EYS: variants seen among roughly 807,000 people sequenced by gnomAD.
EYS encodes the protein protein eyes shut homolog.
A neutral mutation model predicts 282.1 loss-of-function variants in EYS; 250 were observed. The ratio of observed to expected loss-of-function variants is 0.89; its 90% CI spans 0.80 to 0.98. The LOEUF is 0.98. Among genes scored for constraint, EYS ranks in the 50% least tolerant of loss-of-function variants. The probability of loss-of-function intolerance (pLI) is 0.00; values close to 1 mark genes in which losing one functional copy is unlikely to be tolerated. For missense variants in EYS, 4,016 were observed against 3,709.0 expected (o/e 1.08, Z -2.15); for synonymous variants, 1,355 against 1,282.9 (o/e 1.06, Z -1.20).
intron 13 of EYS, among the ~76,000 whole-genome samples, chr6:65,024,763 T>C (rs1359663360): frequency 2.0e-5 from 3 of 152,202 alleles, no homozygotes; most frequent in Non-Finnish European, 4.4e-5. Flanking sequence ...ATCCCAAATA[T>C]TATGTTCTAG....
At chr6:65,457,065 A>T in intron 5 of EYS, among the ~76,000 whole-genome samples, 1 of 152,232 alleles carries the variant, frequency 6.6e-6, no homozygotes, top group East Asian at 1.9e-4. Context: ...CAGATGGAAC[A>T]TATGCCATGT....
chr6:65,331,482 T>G, intron 11 of EYS: 1 of 895,354 alleles, frequency 1.1e-6, no homozygotes, highest in Non-Finnish European at 1.3e-6. Context: ...TAATTTTATA[T>G]AAAATACTTG....
intron 13 of EYS, among the ~76,000 whole-genome samples, chr6:65,044,645 A>G (rs986632989): frequency 4.6e-5 from 7 of 151,820 alleles, no homozygotes; most frequent in Non-Finnish European, 5.9e-5. Context: ...ATGTTATCAC[A>G]TCTGAACTCA....
intron 36 of EYS, among the ~76,000 whole-genome samples, chr6:63,841,464 T>C (rs1361312667): frequency 6.6e-6 from 1 of 152,172 alleles, no homozygotes; most frequent in Admixed American, 6.5e-5. Flanking sequence ...ATAATAGTAA[T>C]AGCTAACTTT....
chr6:63,826,597 T>A (rs1469716018), intron 36 of EYS, among the ~76,000 whole-genome samples: 1 of 152,114 alleles, frequency 6.6e-6, no homozygotes, highest in Non-Finnish European at 1.5e-5. Context: ...TTCAGCCTCC[T>A]CAAACAAAAC....
intron 12 of EYS, among the ~76,000 whole-genome samples, chr6:65,154,334 G>A (rs919880576): frequency 2.0e-5 from 3 of 151,350 alleles, no homozygotes; most frequent in Admixed American, 6.6e-5. Flanking sequence ...AAGGTGGAAG[G>A]AAGAAAAGAA....
At chr6:65,545,867 G>A (rs1019586930) in intron 2 of EYS, among the ~76,000 whole-genome samples, 11 of 152,088 alleles carry the variant, frequency 7.2e-5, no homozygotes, top group African/African-American at 2.7e-4. Context: ...GATTATACAA[G>A]ATTTGATGCT....
intron 27 of EYS, 101 bp from the exon 28 acceptor site, chr6:64,436,366 A>G: frequency 1.6e-6 from 1 of 640,878 alleles, no homozygotes; most frequent in Non-Finnish European, 2.7e-6. Flanking sequence ...ATTTTACATC[A>G]CTTTGGAGAG....
chr6:64,315,534 C>T (rs1300266223), intron 29 of EYS, among the ~76,000 whole-genome samples: 3 of 150,962 alleles, frequency 2.0e-5, no homozygotes, highest in African/African-American at 7.3e-5. Flanking sequence ...TGCTGGCAAA[C>T]CGAATCCAGC....
chr6:65,383,051 G>A (rs1489303838), intron 8 of EYS, among the ~76,000 whole-genome samples: 2 of 151,930 alleles, frequency 1.3e-5, no homozygotes, highest in African/African-American at 4.8e-5. Context: ...CTTCAGATTT[G>A]CTGTTATTTT....
chr6:63,967,224 G>A (rs1312984811), intron 35 of EYS, among the ~76,000 whole-genome samples: 2 of 152,158 alleles, frequency 1.3e-5, no homozygotes, highest in African/African-American at 2.4e-5. Flanking sequence ...GTCCCATGGA[G>A]CAGGACAGCA....
At chr6:65,402,677 TG>T in intron 6 of EYS, 72 bp from the exon 7 acceptor site, 1 of 981,432 alleles carries the variant, frequency 1.0e-6, no homozygotes, top group South Asian at 1.5e-5. Context: ...GGTTCTTACC[TG>T]GAGAAGGGTT....
chr6:65,333,522 A>G (rs1190433644), intron 11 of EYS, among the ~76,000 whole-genome samples: 2 of 151,532 alleles, frequency 1.3e-5, no homozygotes, highest in East Asian at 3.9e-4. Flanking sequence ...TTGTTGGGTA[A>G]TGTGTTTTAT....
chr6:64,613,470 A>G (rs1010371309), intron 24 of EYS, among the ~76,000 whole-genome samples: 20 of 152,142 alleles, frequency 1.3e-4, no homozygotes, highest in Non-Finnish European at 2.8e-4. Flanking sequence ...AATAAGAGAA[A>G]AGCTGAACAA....
At chr6:64,331,284 AG>A (rs1338561660) in intron 29 of EYS, among the ~76,000 whole-genome samples, 1 of 152,188 alleles carries the variant, frequency 6.6e-6, no homozygotes, top group Non-Finnish European at 1.5e-5. Flanking sequence ...AAAAATGAAA[AG>A]GAAATAGAGC....
intron 22 of EYS, among the ~76,000 whole-genome samples, chr6:64,645,424 A>G (rs1235311690): frequency 6.6e-6 from 1 of 152,240 alleles, no homozygotes; most frequent in African/African-American, 2.4e-5. Context: ...TTCATGGGAA[A>G]TTCACCAGAA....
At chr6:63,818,641 A>T (rs1474614892) in intron 36 of EYS, among the ~76,000 whole-genome samples, 1 of 152,126 alleles carries the variant, frequency 6.6e-6, no homozygotes, top group Non-Finnish European at 1.5e-5. Context: ...CCCTGGTTGG[A>T]GGCTAGTCAT....
intron 8 of EYS, among the ~76,000 whole-genome samples, chr6:65,367,795 T>C (rs1438104722): frequency 6.6e-6 from 1 of 151,738 alleles, no homozygotes; most frequent in Non-Finnish European, 1.5e-5. Context: ...TCAATTATTA[T>C]AGCCAATCAA....
chr6:64,755,735 A>G (rs1300542489), intron 22 of EYS, among the ~76,000 whole-genome samples: 1 of 152,070 alleles, frequency 6.6e-6, no homozygotes, highest in Non-Finnish European at 1.5e-5. Flanking sequence ...GACACTGGGA[A>G]CTCACAACAG....
Sources: allele counts gnomAD v4.1 joint callset (sites outside exome capture counted in the v4.1 genomes callset), GRCh38; gene constraint gnomAD v4.1.1; transcripts MANE v1.5; gene names NCBI Gene and HGNC (gene_info 2026-07-23, HGNC 2026-07-21).